ZMYND12: variants seen among roughly 807,000 people sequenced by gnomAD.
ZMYND12 encodes the protein zinc finger MYND domain-containing protein 12.
ZMYND12 carries 32 observed loss-of-function variants against 41.7 expected under a neutral mutation model. The observed-to-expected ratio is 0.77, with a 90% CI of 0.58 to 1.03. The LOEUF (loss-of-function observed/expected upper bound fraction) is 1.03. ZMYND12 is among the 50% of genes least tolerant of loss of function. ZMYND12 has a pLI of 0.00. For synonymous variants in ZMYND12, 148 were observed against 164.8 expected (o/e 0.90, Z 0.78); for missense variants, 424 against 438.5 (o/e 0.97, Z 0.30).
chr1:42,442,616 T>C (rs565093204), intron 3 of ZMYND12, among the ~76,000 whole-genome samples: 231 of 152,152 alleles, frequency 1.5e-3, no homozygotes, highest in African/African-American at 5.3e-3. Flanking sequence ...AGCATTGGTG[T>C]GATAGGTGCT....
intron 6 of ZMYND12, among the ~76,000 whole-genome samples, chr1:42,435,051 G>A (rs913098810): frequency 1.3e-5 from 2 of 151,988 alleles, no homozygotes; most frequent in African/African-American, 4.8e-5. Flanking sequence ...CTGTCCCTTA[G>A]TAACCCCCGA....
At chr1:42,455,837 G>A (rs1024164823) in intron 1 of ZMYND12, 51 bp downstream of exon 1, 11 of 1,406,048 alleles carry the variant, frequency 7.8e-6, no homozygotes, top group Middle Eastern at 3.6e-4. Flanking sequence ...ACCCGGGAAA[G>A]GGAGAGAGGG....
At chr1:42,431,916 A>T (rs1440767859) in intron 7 of ZMYND12, among the ~76,000 whole-genome samples, 1 of 152,118 alleles carries the variant, frequency 6.6e-6, no homozygotes, top group Non-Finnish European at 1.5e-5. Context: ...CTGAAGAAAG[A>T]AAAGAAAAGA....
rs140397132 is a variant in ZMYND12, at chr1:42,433,274, C to G, written c.844G>C (p.Ala282Pro). 273 of 1,607,468 alleles carry G rather than the reference C, an allele frequency of 1.7e-4. No homozygotes were observed. In the African/African-American group the frequency reaches 3.1e-3, roughly 18 times the overall value. Residue 282 changes from alanine to proline, a missense_variant, in exon 7 of 8, where the codon GCA becomes CCA. Coordinates refer to ENST00000372565, the MANE Select transcript of ZMYND12 (RefSeq NM_032257.5). ...GAAGTCAGGATGCGAATGGCTTCTG[C>G]TTCTTGGGCTTCATCTGCATTGGAA... Reference protein sequence around the residue: ...NDTGLDEAQEAEAIRILTSIL... With the variant: ...NDTGLDEAQEPEAIRILTSIL...
At chr1:42,440,948 G>A (rs1464246073) in intron 3 of ZMYND12, among the ~76,000 whole-genome samples, 3 of 152,116 alleles carry the variant, frequency 2.0e-5, no homozygotes, top group South Asian at 2.1e-4. Flanking sequence ...GAATACAGGC[G>A]TGAGACACTG....
chr1:42,446,565 T>C (rs1027203544), intron 3 of ZMYND12, among the ~76,000 whole-genome samples: 1 of 151,654 alleles, frequency 6.6e-6, no homozygotes, highest in Non-Finnish European at 1.5e-5. Flanking sequence ...GGCAGGAGAA[T>C]TGCTTGAACC....
Position 42,449,922 on chromosome 1 carries a change from C to T in ZMYND12, c.248G>A (p.Arg83Gln), listed in dbSNP as rs758624632. 43 of 1,611,188 alleles carry T rather than the reference C, an allele frequency of 2.7e-5. No homozygotes were observed. Among genetic ancestry groups the T allele is most frequent in the African/African-American group, 4.0e-5 (3 of 74,932 alleles). Reference protein sequence around the residue: ...RQHGLQQLQQRQKYLIEFCYT... With the variant: ...RQHGLQQLQQQQKYLIEFCYT... ...GGAAAGTGCCGTAGGCCCTACCTGC[C>T]GCTGCTGCAGCTGCTGCAGGCCATG... is the stretch of plus-strand genomic sequence containing the variant. The change falls in exon 2 of 8, where the codon CGG (arginine) becomes CAG (glutamine). Residue 83 changes from arginine (R) to glutamine (Q), a missense_variant. Arg to Gln is a conservative substitution (Grantham distance 43). Coordinates refer to ENST00000372565, the MANE Select transcript of ZMYND12 (RefSeq NM_032257.5).
In ZMYND12 at chr1:42,439,876, G is replaced by T. The variant is rs139202265; in HGVS notation, c.574C>A (p.Arg192Ser). The T allele has an allele frequency of 6.2e-7, 1 of 1,612,086 alleles. No homozygotes were observed. Among genetic ancestry groups the T allele is most frequent in the Admixed American group, 1.7e-5 (1 of 59,536 alleles). ...YIAKKNYEEA[R>S]YHLANDIYFA... The stretch of plus-strand genomic sequence containing the variant: ...TTTACATCATTGGCCAGATGATAAC[G>T]GGCCTCTTCATAGTTTTTCTTAGCT... The change falls in exon 4 of 8, where the codon CGT (arginine) becomes AGT (serine). Residue 192 changes from arginine (R) to serine (S), a missense_variant. Physicochemically the swap from Arg to Ser is moderately radical, Grantham distance 110. Coordinates refer to ENST00000372565, the MANE Select transcript of ZMYND12 (RefSeq NM_032257.5).
chr1:42,436,262 A>C (rs1387182421), intron 5 of ZMYND12, among the ~76,000 whole-genome samples, 159 bp downstream of exon 5: 1 of 152,230 alleles, frequency 6.6e-6, no homozygotes, highest in African/African-American at 2.4e-5. Context: ...AAGAAAATGG[A>C]GTATATCATG....
In ZMYND12 at chr1:42,439,945, C is replaced by A. The variant is rs185404776; in HGVS notation, c.505G>T (p.Ala169Ser). 2.6e-5 allele frequency: 42 copies of A among 1,613,980 alleles called. No individual in the cohort carries two copies. The Admixed American group carries it at 5.8e-4, about 22-fold the overall frequency. ...TTCCGATGCAGTAAAGAGTGGGTGG[C>A]ATTACTACAGTCAGTTGATTTGAGG... Reference protein sequence around the residue: ...TVLKSTDCSNATHSLLHRNLG... With the variant: ...TVLKSTDCSNSTHSLLHRNLG... Residue 169 changes from alanine to serine, a missense_variant, in exon 4 of 8, where the codon GCC becomes TCC. Ala to Ser is a moderately conservative substitution (Grantham distance 99). Coordinates refer to ENST00000372565, the MANE Select transcript of ZMYND12 (RefSeq NM_032257.5).
At chr1:42,432,843 G>A (rs779726543) in intron 7 of ZMYND12, 14 of 297,818 alleles carry the variant, frequency 4.7e-5, no homozygotes, top group Admixed American at 3.9e-4. Flanking sequence ...GAGTTAGAGC[G>A]GCTACTTCAT....
chr1:42,445,831 T>C (rs6665722), intron 3 of ZMYND12, among the ~76,000 whole-genome samples: 59,008 of 151,766 alleles, frequency 0.39, 11,976 homozygotes, highest in East Asian at 0.59. Context: ...AGGCCAGAGA[T>C]GATGTGGGGA....
At position 42,446,262 on chromosome 1, in the gene ZMYND12, T is replaced by C. The variant is rs541814900; in HGVS notation, c.424+2205A>G. Reference sequence around the variant, plus strand: ...AAGTGAAAGCTGTCAGCAAAGGGAGTTGCAATTAAGGAATGGAAGTAAATC... The same window carrying C: ...AAGTGAAAGCTGTCAGCAAAGGGAGCTGCAATTAAGGAATGGAAGTAAATC... On this transcript the variant is annotated intron_variant, in intron 3 of 7. Coordinates refer to ENST00000372565, the MANE Select transcript of ZMYND12 (RefSeq NM_032257.5). Among the ~76,000 whole-genome samples, 5 of 151,928 alleles carry C rather than the reference T, an allele frequency of 3.3e-5. No homozygotes were observed. In the South Asian group the frequency reaches 1.0e-3, roughly 32 times the overall value.
In ZMYND12 at chr1:42,436,450, A is replaced by G. The variant is rs1642908667; in HGVS notation, c.688T>C (p.Leu230=). 6.2e-7 allele frequency: 1 copy of G among 1,613,512 alleles called. No homozygotes were observed. Among genetic ancestry groups the G allele is most frequent in the Non-Finnish European group, 8.5e-7 (1 of 1,179,618 alleles). Residue 230 remains leucine, a synonymous_variant, in exon 5 of 8, where the codon TTG becomes CTG. Coordinates refer to ENST00000372565, the MANE Select transcript of ZMYND12 (RefSeq NM_032257.5). Reference sequence around the variant, plus strand: ...GTGTACAATGTGTCTGCCAGGTCCAACTTTTTAAGGTCATAGAATATATTA... The same window carrying G: ...GTGTACAATGTGTCTGCCAGGTCCAGCTTTTTAAGGTCATAGAATATATTA... ...LANIFYDLKK[L]DLADTLYTKV... is the part of the protein sequence containing the mutation.
At chr1:42,446,915 A>G (rs1643029849) in intron 3 of ZMYND12, among the ~76,000 whole-genome samples, 1 of 152,176 alleles carries the variant, frequency 6.6e-6, no homozygotes, top group South Asian at 2.1e-4. Flanking sequence ...TATCTGGGAG[A>G]TGCAGAAGCC....
intron 4 of ZMYND12, among the ~76,000 whole-genome samples, chr1:42,437,440 CTGTGTGTGTGTGTGTGTGTGTGTG>C (rs113850227): frequency 2.1e-4 from 30 of 144,506 alleles, no homozygotes; most frequent in African/African-American, 6.8e-4. Context: ...CAATAAAGCT[CTGTGTGTGTGTGTGTGTGTGTGTG>C]TGTGTGTGTG....
intron 1 of ZMYND12, among the ~76,000 whole-genome samples, chr1:42,454,864 C>T (rs1461471116): frequency 2.0e-5 from 3 of 151,958 alleles, no homozygotes; most frequent in African/African-American, 4.8e-5. Context: ...CCACCACATC[C>T]GGCTAATTTT....
At chr1:42,444,016 C>G (rs773241087) in intron 3 of ZMYND12, among the ~76,000 whole-genome samples, 53 of 152,254 alleles carry the variant, frequency 3.5e-4, no homozygotes, top group Non-Finnish European at 6.2e-4. Flanking sequence ...TAAGTGCATG[C>G]CACCATGACC....
Position 42,433,053 on chromosome 1 carries a change from T to C in ZMYND12, c.975+90A>G. On this transcript the variant is annotated intron_variant, in intron 7 of 7. Transcript: ENST00000372565. Reference sequence around the variant, plus strand: ...GAGGGCTTGCTCTGAGGGCAAAAGCTATTGGAATTGGGCAAAACACAAATT... The same window carrying C: ...GAGGGCTTGCTCTGAGGGCAAAAGCCATTGGAATTGGGCAAAACACAAATT... 2.0e-6 allele frequency: 3 copies of C among 1,536,660 alleles called. No homozygotes were observed. In the Admixed American group the frequency reaches 5.5e-5, roughly 28 times the overall value.
Sources: allele counts gnomAD v4.1 joint callset (sites outside exome capture counted in the v4.1 genomes callset), GRCh38; gene constraint gnomAD v4.1.1; transcripts MANE v1.5; gene names NCBI Gene and HGNC (gene_info 2026-07-23, HGNC 2026-07-21).